Variants in HMGXB3 observed in about 807,000 individuals in gnomAD.
The protein encoded by HMGXB3 is HMG domain-containing protein 3.
Under a neutral mutation model 121.5 loss-of-function variants are expected in HMGXB3, and 45 were observed. That is an observed-to-expected ratio of 0.37 (90% confidence interval 0.29 to 0.47). The LOEUF (loss-of-function observed/expected upper bound fraction) is 0.47, where lower values mean the gene tolerates loss of function less well. Ranked by LOEUF, HMGXB3 falls within the 20% of genes least tolerant of loss-of-function variation. The pLI is 0.99. For synonymous variants in HMGXB3, 590 were observed against 624.1 expected (o/e 0.95, Z 0.81); for missense variants, 1,376 against 1,602.2 (o/e 0.86, Z 2.41).
In HMGXB3 at chr5:150,051,774, C is replaced by G; in HGVS notation, c.3461C>G (p.Thr1154Arg). 1.9e-6 allele frequency: 3 copies of G among 1,543,748 alleles called. No individual in the cohort carries two copies. The highest frequency in any genetic ancestry group is 2.6e-6 in the Non-Finnish European group (3 of 1,146,932). Residue 1154 changes from threonine to arginine, a missense_variant, in exon 20 of 20, where the codon ACA becomes AGA. By Grantham distance (71) the Thr-to-Arg change is moderately conservative. Coordinates refer to ENST00000502717, the MANE Select transcript of HMGXB3 (RefSeq NM_014983.3). ...LLDQHYTVDM[T>R]ETEHSIQHPV... ...GACCAGCATTATACTGTGGACATGACAGAAACTGAGCACTCTATCCAGCAC... is the reference window on the plus strand; with the variant it reads ...GACCAGCATTATACTGTGGACATGAGAGAAACTGAGCACTCTATCCAGCAC...
At position 150,012,473 on chromosome 5, in the gene HMGXB3, A is replaced by G. The variant is rs1755862967; in HGVS notation, c.909+120A>G. The G allele has an allele frequency of 4.2e-6, 3 of 720,834 alleles. No individual in the cohort carries two copies. In the African/African-American group the frequency reaches 5.3e-5, roughly 13 times the overall value. 44.7% of individuals were successfully genotyped at this position (720,834 alleles called of 1,614,324 possible). A position where few individuals can be genotyped will look rare whatever the true frequency, so the allele number is the denominator to read the frequency against. On this transcript the variant is annotated intron_variant, in intron 5 of 19. Transcript: ENST00000502717. ...TTGTAGGACCAAGAAGATTTCTAAAAGTCTTAGAACCTCAGGATGCGAGGA... is the reference window on the plus strand; with the variant it reads ...TTGTAGGACCAAGAAGATTTCTAAAGGTCTTAGAACCTCAGGATGCGAGGA...
intron 1 of HMGXB3, among the ~76,000 whole-genome samples, chr5:150,002,493 C>A (rs1755596302): frequency 1.3e-5 from 2 of 152,176 alleles, no homozygotes. Flanking sequence ...CTGCACGTAT[C>A]AGTCCCATAT....
chr5:150,024,189 AAATGAGAG>A, intron 6 of HMGXB3, 65 bp from the exon 7 acceptor site: 1 of 1,228,550 alleles, frequency 8.1e-7, no homozygotes, highest in Non-Finnish European at 1.1e-6. Flanking sequence ...ATGTTATTAA[AAATGAGAG>A]AATGTTTGTG....
In HMGXB3 at chr5:150,032,538, C is replaced by T; in HGVS notation, c.1918C>T (p.Arg640Ter). The change falls in exon 11 of 20, where the codon CGA (arginine) becomes TGA (stop). Residue 640 changes from arginine to a stop codon, truncating the protein, a stop_gained. Transcript: ENST00000502717. LOFTEE classifies it high-confidence loss of function. ...SYVYTNRHKP[R>*]ICPSCGVNLA... ...TGTCTACACCAACAGGCACAAACCT[C>T]GAATTTGTCCCAGCTGTGGTGTTAA... 1.3e-6 allele frequency: 2 copies of T among 1,552,144 alleles called. No individual in the cohort carries two copies. Among genetic ancestry groups the T allele is most frequent in the Non-Finnish European group, 1.7e-6 (2 of 1,147,072 alleles).
chr5:150,034,723 C>G (rs1447047105), intron 11 of HMGXB3, among the ~76,000 whole-genome samples: 1 of 152,214 alleles, frequency 6.6e-6, no homozygotes, highest in African/African-American at 2.4e-5. Flanking sequence ...GTCAGAACCA[C>G]AGGGATCTTC....
At chr5:150,040,596 G>A (rs1057162112) in intron 13 of HMGXB3, among the ~76,000 whole-genome samples, 152 bp from the exon 14 acceptor site, 13 of 151,228 alleles carry the variant, frequency 8.6e-5, no homozygotes, top group African/African-American at 7.3e-5. Context: ...CAAGCTAGTC[G>A]ACAACTCCTG....
intron 6 of HMGXB3, among the ~76,000 whole-genome samples, 168 bp downstream of exon 6, chr5:150,018,865 T>C (rs1044783364): frequency 6.6e-6 from 1 of 152,210 alleles, no homozygotes; most frequent in African/African-American, 2.4e-5. Flanking sequence ...AAAAGAAAAA[T>C]GGAATAAATT....
chr5:150,043,312 A>G (rs1756680883), intron 15 of HMGXB3, among the ~76,000 whole-genome samples: 1 of 151,338 alleles, frequency 6.6e-6, no homozygotes, highest in African/African-American at 2.5e-5. Flanking sequence ...GTCTACACTC[A>G]CAGGCAGGGA....
At chr5:150,040,705 G>T (rs1308423868) in intron 13 of HMGXB3, 43 bp from the exon 14 acceptor site, 2 of 1,542,342 alleles carry the variant, frequency 1.3e-6, no homozygotes, top group Admixed American at 4.1e-5. Context: ...TTGCCATTGT[G>T]TATGATACAT....
intron 9 of HMGXB3, among the ~76,000 whole-genome samples, chr5:150,028,202 A>G (rs1315125256): frequency 6.6e-6 from 1 of 152,098 alleles, no homozygotes; most frequent in Non-Finnish European, 1.5e-5. Flanking sequence ...TTATAGGTAG[A>G]TAAGAGACAA....
intron 11 of HMGXB3, among the ~76,000 whole-genome samples, chr5:150,034,330 C>G (rs1756452006): frequency 6.6e-6 from 1 of 152,114 alleles, no homozygotes; most frequent in South Asian, 2.1e-4. Flanking sequence ...TTTCCTGCAC[C>G]TTCTAACCCT....
intron 4 of HMGXB3, 36 bp from the exon 5 acceptor site, chr5:150,012,219 T>C (rs1755856315): frequency 6.9e-7 from 1 of 1,456,290 alleles, no homozygotes; most frequent in South Asian, 1.2e-5. Flanking sequence ...TATTACTCTG[T>C]TTCAGTGAAA....
intron 5 of HMGXB3, chr5:150,015,013 C>T (rs1190259069): frequency 3.3e-6 from 2 of 600,118 alleles, no homozygotes; most frequent in African/African-American, 3.9e-5. Flanking sequence ...TACCAAACCA[C>T]CAATGATTGC....
chr5:150,021,066 C>G lies in HMGXB3; in HGVS notation c.1041+2369C>G, dbSNP rs1756081102. 2.0e-5 allele frequency among the ~76,000 whole-genome samples: 3 copies of G among 152,156 alleles called. No homozygotes were observed. The South Asian group carries it at 6.2e-4, about 32-fold the overall frequency. ...AAACTTTAGAGCCATGGTTCTCTTA[C>G]TAAGATCAAGCTCATGGCATGAAAA... is the stretch of plus-strand genomic sequence containing the variant. On this transcript the variant is annotated intron_variant, in intron 6 of 19. Transcript: ENST00000502717.
chr5:150,051,735 G>C lies in HMGXB3; in HGVS notation c.3422G>C (p.Cys1141Ser), dbSNP rs1398003866. 6.6e-7 allele frequency: 1 copy of C among 1,526,278 alleles called. No individual in the cohort carries two copies. 94.5% of individuals were successfully genotyped at this position (1,526,278 alleles called of 1,614,324 possible). The stretch of plus-strand genomic sequence containing the variant: ...TCATTTCTCTTCTAGAGTGTGTCCT[G>C]CCCAGAGCTCTTGGACCAGCATTAT... The part of the protein sequence containing the change: ...SPTEPPVSVS[C>S]PELLDQHYTV... Residue 1141 changes from cysteine to serine, a missense_variant, in exon 20 of 20, where the codon TGC becomes TCC. This residue lies in a region of HMGXB3 where 260 missense variants were observed against 233.2 expected (regional missense o/e 1.11). Coordinates refer to ENST00000502717, the MANE Select transcript of HMGXB3 (RefSeq NM_014983.3).
Position 150,050,338 on chromosome 5 carries a change from T to G in HMGXB3, c.3288T>G (p.Pro1096=), listed in dbSNP as rs975105489. The G allele has an allele frequency of 6.4e-7, 1 of 1,551,786 alleles. No homozygotes were observed. Among genetic ancestry groups the G allele is most frequent in the African/African-American group, 1.4e-5 (1 of 73,060 alleles). Residue 1096 remains proline (P), a synonymous_variant, in exon 19 of 20, where the codon CCT becomes CCG. Coordinates refer to ENST00000502717, the MANE Select transcript of HMGXB3 (RefSeq NM_014983.3). ...DLLASSRHWP[P]VYVVDMATSV... ...TTGCCTCTTCCCGCCACTGGCCGCC[T>G]GTCTATGTGGTAGATATGGCCACGT...
At chr5:150,007,875 C>T (rs751854773) in intron 3 of HMGXB3, among the ~76,000 whole-genome samples, 2 of 151,790 alleles carry the variant, frequency 1.3e-5, no homozygotes, top group Admixed American at 6.6e-5. Flanking sequence ...GGCAAGTTGG[C>T]GAAACTCTAT....
intron 16 of HMGXB3, among the ~76,000 whole-genome samples, chr5:150,046,341 G>A (rs778203092): frequency 9.9e-5 from 15 of 152,170 alleles, no homozygotes; most frequent in Non-Finnish European, 1.9e-4. Flanking sequence ...GTGTCATGAC[G>A]CAGAATGATA....
chr5:150,045,346 C>A, intron 15 of HMGXB3, 120 bp from the exon 16 acceptor site: 1 of 797,332 alleles, frequency 1.3e-6, no homozygotes, highest in Non-Finnish European at 2.1e-6. Flanking sequence ...CAGTGCCTGG[C>A]TGTCTGACTT....
Sources: allele counts gnomAD v4.1 joint callset (sites outside exome capture counted in the v4.1 genomes callset), GRCh38; gene constraint gnomAD v4.1.1; regional missense constraint gnomAD v4.1.1; transcripts MANE v1.5; gene names NCBI Gene and HGNC (gene_info 2026-07-23, HGNC 2026-07-21).